Variants in RNF217 observed in about 807,000 individuals in gnomAD.
The protein encoded by RNF217 is E3 ubiquitin-protein ligase RNF217.
In RNF217, 31 loss-of-function variants were observed where a neutral mutation model predicts 57.8. The ratio of observed to expected loss-of-function variants is 0.54; its 90% CI spans 0.40 to 0.72. The LOEUF is 0.72. Among genes scored for constraint, RNF217 ranks in the 30% least tolerant of loss-of-function variants. RNF217 has a pLI of 0.00. For synonymous variants in RNF217, 313 were observed against 294.0 expected (o/e 1.06, Z -0.66); for missense variants, 696 against 708.3 (o/e 0.98, Z 0.20).
chr6:125,058,280 C>A (rs499176), intron 3 of RNF217, among the ~76,000 whole-genome samples, 174 bp downstream of exon 3: 95,682 of 151,952 alleles, frequency 0.63, 32,510 homozygotes, highest in African/African-American at 0.88. Context: ...TTTTATAAAC[C>A]ATGTATATTC....
chr6:124,985,767 T>G (rs1314732879), intron 1 of RNF217, among the ~76,000 whole-genome samples: 2 of 151,938 alleles, frequency 1.3e-5, no homozygotes, highest in African/African-American at 4.8e-5. Flanking sequence ...AAGAGAGAGG[T>G]AGCAAGGAAT....
intron 1 of RNF217, chr6:124,983,489 A>G (rs1784251445): frequency 1.0e-6 from 1 of 984,540 alleles, no homozygotes; most frequent in African/African-American, 1.7e-5. Flanking sequence ...CTTGTCACTA[A>G]TGAAAAGGAC....
At chr6:125,025,329 G>C (rs1322322936) in intron 1 of RNF217, among the ~76,000 whole-genome samples, 1 of 152,172 alleles carries the variant, frequency 6.6e-6, no homozygotes, top group Non-Finnish European at 1.5e-5. Flanking sequence ...ATGGACAGAT[G>C]ATAAGGACTG....
intron 1 of RNF217, among the ~76,000 whole-genome samples, chr6:124,967,945 A>AT (rs1184305052): frequency 3.3e-5 from 5 of 151,914 alleles, no homozygotes; most frequent in Admixed American, 6.6e-5. Flanking sequence ...AGCCAAGCTA[A>AT]TTTTTTGTAT....
At chr6:124,978,271 T>C (rs1316163601) in intron 1 of RNF217, among the ~76,000 whole-genome samples, 3 of 152,050 alleles carry the variant, frequency 2.0e-5, no homozygotes, top group African/African-American at 7.2e-5. Flanking sequence ...TGCCTCTGCC[T>C]GGACCTCGCT....
At chr6:124,984,092 A>G (rs963542077) in intron 1 of RNF217, among the ~76,000 whole-genome samples, 4 of 152,200 alleles carry the variant, frequency 2.6e-5, no homozygotes, top group Non-Finnish European at 5.9e-5. Flanking sequence ...TTGGTGTTAC[A>G]TGAATTTTAG....
intron 2 of RNF217, among the ~76,000 whole-genome samples, chr6:125,054,184 G>C (rs779446023): frequency 6.6e-6 from 1 of 152,110 alleles, no homozygotes; most frequent in Non-Finnish European, 1.5e-5. Context: ...TACTGAATCT[G>C]GTTGCAAGAA....
intron 1 of RNF217, among the ~76,000 whole-genome samples, chr6:124,996,233 A>G (rs904518125): frequency 6.6e-6 from 1 of 152,068 alleles, no homozygotes; most frequent in Non-Finnish European, 1.5e-5. Flanking sequence ...TAAACATCTC[A>G]TGATTTTGTG....
At chr6:125,055,334 A>G (rs1221792657) in intron 2 of RNF217, among the ~76,000 whole-genome samples, 1 of 152,134 alleles carries the variant, frequency 6.6e-6, no homozygotes, top group Non-Finnish European at 1.5e-5. Flanking sequence ...AGGATTTGCA[A>G]TAGGATCTGC....
At chr6:125,055,097 G>A (rs1056514772) in intron 2 of RNF217, among the ~76,000 whole-genome samples, 1 of 152,124 alleles carries the variant, frequency 6.6e-6, no homozygotes, top group Non-Finnish European at 1.5e-5. Context: ...GGCATCTTCA[G>A]AACAAAAAAT....
chr6:124,982,372 C>A (rs540362144), intron 1 of RNF217, among the ~76,000 whole-genome samples: 2 of 151,984 alleles, frequency 1.3e-5, no homozygotes, highest in South Asian at 4.1e-4. Flanking sequence ...TCAAAAGTAC[C>A]AACTTTACTG....
intron 1 of RNF217, among the ~76,000 whole-genome samples, chr6:124,992,485 A>T (rs149928161): frequency 8.9e-4 from 135 of 152,266 alleles, no homozygotes; most frequent in African/African-American, 3.2e-3. Context: ...TGCTGTGTAG[A>T]TGTAATGGCT....
intron 1 of RNF217, among the ~76,000 whole-genome samples, chr6:125,025,026 T>G (rs1318619328): frequency 2.6e-5 from 4 of 151,930 alleles, no homozygotes; most frequent in Non-Finnish European, 5.9e-5. Context: ...AAAGGATAGA[T>G]GCAGGGAAAA....
At chr6:125,002,445 CT>C (rs201802744) in intron 1 of RNF217, among the ~76,000 whole-genome samples, 8,919 of 152,254 alleles carry the variant, frequency 0.059, 909 homozygotes, top group African/African-American at 0.2. Flanking sequence ...CTGCACGCCC[CT>C]ATCCCCATCT....
intron 2 of RNF217, among the ~76,000 whole-genome samples, chr6:125,056,382 T>C (rs1225198285): frequency 6.6e-6 from 1 of 152,178 alleles, no homozygotes; most frequent in African/African-American, 2.4e-5. Flanking sequence ...ATATTCAACA[T>C]AGACATTATC....
In RNF217 at chr6:125,089,007, A is replaced by C. The variant is rs1788858710; in HGVS notation, c.*6070A>C. 1 of 152,500 alleles carries C rather than the reference A, an allele frequency of 6.6e-6. No individual in the cohort carries two copies. The highest frequency in any genetic ancestry group is 2.4e-5 in the African/African-American group (1 of 41,400). 9.4% of individuals were successfully genotyped at this position (152,500 alleles called of 1,614,324 possible). A position where few individuals can be genotyped will look rare whatever the true frequency, so the allele number is the denominator to read the frequency against. ...TTCTGTCTCGCCCGTAACTCCTTTC[A>C]CTGTAATGAAATGAATTCAACACTG... On this transcript the variant is annotated 3_prime_UTR_variant, in exon 6 of 6. Transcript: ENST00000521654.
chr6:125,048,047 T>C, intron 2 of RNF217: 1 of 390,024 alleles, frequency 2.6e-6, no homozygotes, highest in East Asian at 7.4e-5. Flanking sequence ...AATTTTTACT[T>C]ATTTTAGTGT....
At chr6:125,003,527 T>C (rs978034782) in intron 1 of RNF217, among the ~76,000 whole-genome samples, 20 of 152,188 alleles carry the variant, frequency 1.3e-4, no homozygotes, top group African/African-American at 4.6e-4. Context: ...GAATAAACTT[T>C]AGAGATTCAC....
intron 1 of RNF217, among the ~76,000 whole-genome samples, chr6:124,973,169 A>G (rs183276468): frequency 1.1e-3 from 167 of 152,280 alleles, no homozygotes; most frequent in Middle Eastern, 3.4e-3. Context: ...AGACCTCCTC[A>G]TTGCTTCACA....
Sources: allele counts gnomAD v4.1 joint callset (sites outside exome capture counted in the v4.1 genomes callset), GRCh38; gene constraint gnomAD v4.1.1; transcripts MANE v1.5; gene names NCBI Gene and HGNC (gene_info 2026-07-23, HGNC 2026-07-21).